Variants in PTPRK observed in about 807,000 individuals in gnomAD.
PTPRK encodes protein tyrosine phosphatase receptor type K, also known as receptor-type tyrosine-protein phosphatase kappa.
Under a neutral mutation model 178.0 loss-of-function variants are expected in PTPRK, and 75 were observed. That is an observed-to-expected ratio of 0.42 (90% CI 0.35 to 0.51). PTPRK has a LOEUF of 0.51. PTPRK is among the 20% of genes least tolerant of loss of function. The pLI is 0.02. For synonymous variants in PTPRK, 637 were observed against 620.6 expected, an observed-to-expected ratio of 1.03 and a Z score of -0.39; for missense variants, 1,441 against 1,797.8, an observed-to-expected ratio of 0.80 and a Z score of 3.59.
chr6:128,139,760 T>C (rs995358785), intron 7 of PTPRK, among the ~76,000 whole-genome samples: 1 of 152,020 alleles, frequency 6.6e-6, no homozygotes, highest in Non-Finnish European at 1.5e-5. Flanking sequence ...AATCACGCAG[T>C]ACTGAAGAGT....
chr6:128,079,588 G>T (rs919768870), intron 10 of PTPRK, among the ~76,000 whole-genome samples: 51 of 152,098 alleles, frequency 3.4e-4, no homozygotes, highest in African/African-American at 1.1e-3. Context: ...ACCTCAAATA[G>T]CTTTGGATGA....
intron 1 of PTPRK, among the ~76,000 whole-genome samples, chr6:128,464,622 T>TATATATATATACAC (rs1849519967): frequency 1.5e-5 from 1 of 66,330 alleles, no homozygotes; most frequent in African/African-American, 9.3e-5. Flanking sequence ...TACATATACA[T>TATATATATATACAC]ATATATATAT....
chr6:128,067,857 A>C, intron 11 of PTPRK, 65 bp from the exon 12 acceptor site: 1 of 1,404,978 alleles, frequency 7.1e-7, no homozygotes, highest in Non-Finnish European at 9.4e-7. Flanking sequence ...TTAAGATACT[A>C]AGATTTTTTT....
At chr6:128,064,640 T>G in intron 13 of PTPRK, 118 bp downstream of exon 13, 1 of 1,315,244 alleles carries the variant, frequency 7.6e-7, no homozygotes, top group Non-Finnish European at 1.0e-6. Flanking sequence ...CCCACATGAG[T>G]CACAGAACTA....
intron 15 of PTPRK, among the ~76,000 whole-genome samples, chr6:128,003,683 G>A (rs1482116393): frequency 6.6e-6 from 1 of 151,750 alleles, no homozygotes; most frequent in Non-Finnish European, 1.5e-5. Flanking sequence ...CCTAAGGTAG[G>A]CAATAGATAG....
At chr6:128,489,081 A>T (rs1853391860) in intron 1 of PTPRK, among the ~76,000 whole-genome samples, 1 of 152,138 alleles carries the variant, frequency 6.6e-6, no homozygotes. Flanking sequence ...TTTAAAAAAT[A>T]ATTAATTAAT....
intron 29 of PTPRK, 134 bp downstream of exon 29, chr6:127,972,888 T>C: frequency 1.2e-6 from 1 of 805,178 alleles, no homozygotes; most frequent in Non-Finnish European, 2.0e-6. Flanking sequence ...AATGTATTAA[T>C]TAGGCAGGAA....
intron 1 of PTPRK, among the ~76,000 whole-genome samples, chr6:128,483,296 A>T (rs1275738274): frequency 3.3e-5 from 5 of 152,126 alleles, no homozygotes; most frequent in Admixed American, 3.3e-4. Flanking sequence ...TAATTCAATA[A>T]TACAATTCTG....
At chr6:128,000,543 C>T (rs1424387805) in intron 15 of PTPRK, among the ~76,000 whole-genome samples, 1 of 151,928 alleles carries the variant, frequency 6.6e-6, no homozygotes, top group African/African-American at 2.4e-5. Flanking sequence ...AGATTTTGCC[C>T]ACCCCTCTAC....
chr6:128,396,997 C>T (rs999640823), intron 2 of PTPRK, among the ~76,000 whole-genome samples: 1 of 151,988 alleles, frequency 6.6e-6, no homozygotes, highest in African/African-American at 2.4e-5. Context: ...GACTCCATAT[C>T]AAAAAACAAC....
intron 3 of PTPRK, among the ~76,000 whole-genome samples, chr6:128,286,632 T>C (rs913005449): frequency 6.6e-6 from 1 of 152,200 alleles, no homozygotes; most frequent in Non-Finnish European, 1.5e-5. Flanking sequence ...TATGTTTCCA[T>C]GGATTGTTTC....
chr6:128,064,711 A>G, intron 13 of PTPRK, 47 bp downstream of exon 13: 1 of 1,558,156 alleles, frequency 6.4e-7, no homozygotes, highest in South Asian at 1.2e-5. Context: ...CCATTTTAGA[A>G]AGGGGGTGAG....
Position 128,519,724 on chromosome 6 carries a change from G to A in PTPRK, c.100+535C>T, listed in dbSNP as rs1177200793. 1.3e-5 allele frequency among the ~76,000 whole-genome samples: 2 copies of A among 152,238 alleles called. No individual in the cohort carries two copies. Among genetic ancestry groups the A allele is most frequent in the Non-Finnish European group, 2.9e-5 (2 of 68,050 alleles). The stretch of plus-strand genomic sequence containing the variant: ...GCCCGGGAGCAACCCAGAGCTGGGG[G>A]AGGAGAAAAGGGGACTCCGGGAGGG... On this transcript the variant is annotated intron_variant, in intron 1 of 29. Transcript: ENST00000368226. The surrounding 1 kb of genome is among the most constrained non-coding windows in gnomAD (Gnocchi z 4.3).
At chr6:128,265,431 C>T (rs1219813472) in intron 3 of PTPRK, among the ~76,000 whole-genome samples, 2 of 152,110 alleles carry the variant, frequency 1.3e-5, no homozygotes, top group Non-Finnish European at 2.9e-5. Flanking sequence ...GTACTAGAAA[C>T]TCTTCCAACT....
chr6:128,452,348 AGT>A (rs1847900771), intron 1 of PTPRK, among the ~76,000 whole-genome samples: 1 of 152,126 alleles, frequency 6.6e-6, no homozygotes, highest in African/African-American at 2.4e-5. Flanking sequence ...CTTTTTCCCC[AGT>A]TAATAAGTTG....
intron 5 of PTPRK, chr6:128,238,258 G>C: frequency 8.1e-6 from 3 of 372,446 alleles, no homozygotes; most frequent in South Asian, 2.0e-5. Flanking sequence ...AAGTTTCATA[G>C]AATATTTTAC....
intron 7 of PTPRK, among the ~76,000 whole-genome samples, chr6:128,132,463 C>T (rs1001944975): frequency 2.0e-5 from 3 of 152,284 alleles, no homozygotes; most frequent in Admixed American, 6.5e-5. Context: ...TAAGCCACAG[C>T]GCCCAGCCCA....
intron 7 of PTPRK, among the ~76,000 whole-genome samples, chr6:128,154,398 C>T (rs376648749): frequency 6.6e-6 from 1 of 151,494 alleles, no homozygotes; most frequent in Non-Finnish European, 1.5e-5. Context: ...AAAATCACTG[C>T]GACCTAAAAT....
intron 1 of PTPRK, among the ~76,000 whole-genome samples, chr6:128,480,798 T>G (rs1851977477): frequency 6.6e-6 from 1 of 152,114 alleles, no homozygotes; most frequent in Non-Finnish European, 1.5e-5. Flanking sequence ...TCAGAATGCT[T>G]CCAATACCAC....
Sources: allele counts gnomAD v4.1 joint callset (sites outside exome capture counted in the v4.1 genomes callset), GRCh38; gene constraint gnomAD v4.1.1; non-coding constraint Gnocchi (gnomAD v3.1); transcripts MANE v1.5; gene names NCBI Gene and HGNC (gene_info 2026-07-23, HGNC 2026-07-21).